The following SGCZ variants were observed in gnomAD, a reference collection of about 807,000 sequenced individuals.
SGCZ encodes zeta-sarcoglycan.
SGCZ carries 40 observed loss-of-function variants against 41.3 expected under a neutral mutation model. That is an observed-to-expected ratio of 0.97 (90% CI 0.75 to 1.26). SGCZ has a LOEUF of 1.26. Among genes scored for constraint, SGCZ ranks in the 50% most tolerant of loss-of-function variants. The pLI is 0.00. For missense variants in SGCZ, 552 were observed against 369.8 expected, an observed-to-expected ratio of 1.49 and a Z score of -4.04; for synonymous variants, 206 against 137.5, an observed-to-expected ratio of 1.50 and a Z score of -3.49.
chr8:14,589,856 G>C (rs749586792), intron 1 of SGCZ, among the ~76,000 whole-genome samples: 29 of 152,182 alleles, frequency 1.9e-4, no homozygotes, highest in African/African-American at 6.0e-4. Flanking sequence ...GAAATCTTCC[G>C]TATTTTGCCC....
chr8:14,575,372 T>C (rs574520261), intron 1 of SGCZ, among the ~76,000 whole-genome samples: 2 of 152,338 alleles, frequency 1.3e-5, no homozygotes, highest in East Asian at 3.9e-4. Flanking sequence ...AAACTGGTTG[T>C]GTCCATATGA....
At chr8:14,751,655 C>T (rs1381108625) in intron 1 of SGCZ, among the ~76,000 whole-genome samples, 1 of 152,070 alleles carries the variant, frequency 6.6e-6, no homozygotes, top group African/African-American at 2.4e-5. Flanking sequence ...CATTTAAAAC[C>T]TGAGAGGATT....
intron 2 of SGCZ, among the ~76,000 whole-genome samples, chr8:14,418,973 T>C (rs1364901402): frequency 1.3e-5 from 2 of 151,972 alleles, no homozygotes; most frequent in Non-Finnish European, 1.5e-5. Context: ...ATGTTAACTA[T>C]CTACTAGCAC....
chr8:15,153,308 G>T (rs1459396009), intron 1 of SGCZ, among the ~76,000 whole-genome samples: 1 of 152,148 alleles, frequency 6.6e-6, no homozygotes, highest in East Asian at 1.9e-4. Flanking sequence ...TGCATGATAT[G>T]CCTAACATAT....
chr8:14,709,371 T>C (rs536277031), intron 1 of SGCZ, among the ~76,000 whole-genome samples: 3 of 152,322 alleles, frequency 2.0e-5, no homozygotes, highest in South Asian at 4.1e-4. Context: ...TAATACATTA[T>C]AAATGAAATG....
intron 3 of SGCZ, among the ~76,000 whole-genome samples, chr8:14,296,058 G>C (rs1325268304): frequency 6.6e-6 from 1 of 152,124 alleles, no homozygotes; most frequent in Non-Finnish European, 1.5e-5. Flanking sequence ...TGAATACCCA[G>C]AGTTTAGAAT....
rs562811487 is a variant in SGCZ, at chr8:14,713,579, T to C, written c.40-158653A>G. On this transcript the variant is annotated intron_variant, in intron 1 of 7. Transcript: ENST00000382080. Reference sequence around the variant, plus strand: ...ATCTGCTAGGTTAGATTTTTGTTGTTGTGATTACGAAGAACTGTGATTAAT... The same window carrying C: ...ATCTGCTAGGTTAGATTTTTGTTGTCGTGATTACGAAGAACTGTGATTAAT... Among the ~76,000 whole-genome samples the C allele has an allele frequency of 1.8e-4, 27 of 152,168 alleles. 1 individual carries two copies. The South Asian group carries it at 5.4e-3, about 30-fold the overall frequency.
At chr8:14,304,661 T>G (rs1418763988) in intron 3 of SGCZ, among the ~76,000 whole-genome samples, 6 of 152,216 alleles carry the variant, frequency 3.9e-5, no homozygotes, top group Non-Finnish European at 8.8e-5. Context: ...TATGTAGCTT[T>G]ACATGCCATA....
At chr8:14,583,388 G>C (rs1283941848) in intron 1 of SGCZ, among the ~76,000 whole-genome samples, 1 of 152,104 alleles carries the variant, frequency 6.6e-6, no homozygotes, top group Non-Finnish European at 1.5e-5. Context: ...TGAGTTCATT[G>C]TAGATTCTGG....
intron 1 of SGCZ, among the ~76,000 whole-genome samples, chr8:15,187,550 A>G (rs1406851668): frequency 6.6e-6 from 1 of 152,040 alleles, no homozygotes; most frequent in Non-Finnish European, 1.5e-5. Context: ...TTTATTGTAA[A>G]TAGTATTTAT....
chr8:14,945,797 C>G lies in SGCZ; in HGVS notation c.39+291788G>C, dbSNP rs929669668. 3.3e-5 allele frequency among the ~76,000 whole-genome samples: 5 copies of G among 151,194 alleles called. No individual in the cohort carries two copies. In the East Asian group the frequency reaches 9.9e-4, roughly 30 times the overall value. ...ACATCAGAACCTTATTGTCTCCAGCCTTTGGACTCAGGAACTAACACCAGT... is the reference window on the plus strand; with the variant it reads ...ACATCAGAACCTTATTGTCTCCAGCGTTTGGACTCAGGAACTAACACCAGT... On this transcript the variant is annotated intron_variant, in intron 1 of 7. Coordinates refer to ENST00000382080, the MANE Select transcript of SGCZ (RefSeq NM_139167.4).
intron 1 of SGCZ, among the ~76,000 whole-genome samples, chr8:14,652,328 A>G (rs1807426142): frequency 3.7e-5 from 4 of 107,402 alleles, no homozygotes; most frequent in Admixed American, 1.9e-4. Context: ...GTGACACAGC[A>G]AGACTCAAAA....
intron 1 of SGCZ, among the ~76,000 whole-genome samples, chr8:15,218,831 C>T (rs1365525684): frequency 1.3e-5 from 2 of 152,108 alleles, no homozygotes; most frequent in East Asian, 3.9e-4. Flanking sequence ...GCAGTAGGTA[C>T]AATTATTAAT....
chr8:14,557,327 A>C (rs773766717), intron 1 of SGCZ, among the ~76,000 whole-genome samples: 2 of 151,382 alleles, frequency 1.3e-5, no homozygotes, highest in Middle Eastern at 3.4e-3. Flanking sequence ...TTTGGATAGT[A>C]GTCTTTTGTT....
intron 1 of SGCZ, among the ~76,000 whole-genome samples, chr8:14,568,462 T>C (rs1165117551): frequency 2.0e-5 from 2 of 102,140 alleles, no homozygotes; most frequent in South Asian, 3.1e-4. Context: ...AAAAAAAAAC[T>C]AAAGAAGATG....
intron 1 of SGCZ, among the ~76,000 whole-genome samples, chr8:14,980,871 T>A (rs893362879): frequency 6.7e-6 from 1 of 150,332 alleles, no homozygotes; most frequent in East Asian, 1.9e-4. Flanking sequence ...ATCTTTTATC[T>A]ATCCATGCAT....
chr8:15,081,579 G>A (rs1238471273), intron 1 of SGCZ, among the ~76,000 whole-genome samples: 1 of 151,560 alleles, frequency 6.6e-6, no homozygotes, highest in Non-Finnish European at 1.5e-5. Flanking sequence ...GAAAAAAATA[G>A]AGGTTTGTAA....
At chr8:14,685,782 C>T (rs1241440310) in intron 1 of SGCZ, among the ~76,000 whole-genome samples, 1 of 151,968 alleles carries the variant, frequency 6.6e-6, no homozygotes, top group Non-Finnish European at 1.5e-5. Context: ...TACAGATGAA[C>T]ACACAGCTGT....
At chr8:14,351,892 C>A (rs1051614502) in intron 2 of SGCZ, among the ~76,000 whole-genome samples, 1 of 151,974 alleles carries the variant, frequency 6.6e-6, no homozygotes, top group African/African-American at 2.4e-5. Flanking sequence ...AATTCCCAAA[C>A]CCATGCTTTT....
Sources: gnomAD v4.1 joint callset for allele counts (sites outside exome capture counted in the v4.1 genomes callset) on GRCh38, gnomAD v4.1.1 for gene constraint, MANE v1.5 for transcripts, NCBI Gene and HGNC (gene_info 2026-07-23, HGNC 2026-07-21) for gene names.